DLG2: variants seen among roughly 807,000 people sequenced by gnomAD.
DLG2 encodes disks large homolog 2.
DLG2 carries 45 observed loss-of-function variants against 132.5 expected under a neutral mutation model. That is an observed-to-expected ratio of 0.34 (90% CI 0.27 to 0.44). DLG2 has a LOEUF of 0.44. DLG2 is among the 20% of genes least tolerant of loss of function. The pLI is 1.00. For synonymous variants in DLG2, 424 were observed against 419.6 expected (o/e 1.01, Z -0.13); for missense variants, 1,045 against 1,196.9 (o/e 0.87, Z 1.87).
intron 6 of DLG2, among the ~76,000 whole-genome samples, chr11:85,007,664 C>CAAAAAAAAAAAAAAAAAAA (rs57188165): frequency 1.1e-5 from 1 of 88,534 alleles, no homozygotes; most frequent in Non-Finnish European, 2.2e-5. Context: ...GACTCCGTCT[C>CAAAAAAAAAAAAAAAAAAA]AAAAAAAAAA....
At chr11:84,682,756 G>T (rs1371604581) in intron 6 of DLG2, among the ~76,000 whole-genome samples, 1 of 152,138 alleles carries the variant, frequency 6.6e-6, no homozygotes, top group Non-Finnish European at 1.5e-5. Context: ...ACTCTAGGAA[G>T]CCTTTACTCA....
At chr11:84,307,807 T>C (rs2098240778) in intron 7 of DLG2, among the ~76,000 whole-genome samples, 1 of 151,722 alleles carries the variant, frequency 6.6e-6, no homozygotes, top group Non-Finnish European at 1.5e-5. Context: ...TGTCTGGAGT[T>C]TCTTCCTTCT....
Position 85,499,368 on chromosome 11 carries a change from T to C in DLG2, c.40+99289A>G, listed in dbSNP as rs535044778. 8.1e-4 allele frequency among the ~76,000 whole-genome samples: 123 copies of C among 151,954 alleles called. 1 individual carries two copies. Among genetic ancestry groups the C allele is most frequent in the Admixed American group, 1.5e-3 (23 of 15,230 alleles). On this transcript the variant is annotated intron_variant, in intron 3 of 27. Transcript: ENST00000376104. ...TAGAAGAAATGGATAAATTCATGGA[T>C]AAATACAACCCCCAGGACTAAACCA...
At chr11:84,242,993 T>TTCTCTC (rs145284405) in intron 8 of DLG2, among the ~76,000 whole-genome samples, 8,281 of 124,832 alleles carry the variant, frequency 0.066, 300 homozygotes, top group Non-Finnish European at 0.081. Flanking sequence ...ATTAATTAGG[T>TTCTCTC]TCTCTCTCTC....
At chr11:83,915,930 A>G (rs1463886889) in intron 15 of DLG2, among the ~76,000 whole-genome samples, 2 of 152,050 alleles carry the variant, frequency 1.3e-5, no homozygotes, top group African/African-American at 2.4e-5. Context: ...TCACTAATCT[A>G]TTTTATGACT....
intron 4 of DLG2, among the ~76,000 whole-genome samples, chr11:85,212,964 G>C (rs1177041115): frequency 1.3e-5 from 2 of 152,084 alleles, no homozygotes; most frequent in African/African-American, 2.4e-5. Flanking sequence ...AATGTGAGTA[G>C]GTAGGCTTTG....
chr11:85,582,079 G>A (rs12273229), intron 3 of DLG2, among the ~76,000 whole-genome samples: 2 of 152,312 alleles, frequency 1.3e-5, no homozygotes, highest in African/African-American at 2.4e-5. Flanking sequence ...GGTTGATGAA[G>A]AGGCTGATTT....
intron 6 of DLG2, among the ~76,000 whole-genome samples, chr11:84,785,048 G>C (rs1194818586): frequency 2.6e-5 from 4 of 151,876 alleles, no homozygotes; most frequent in Non-Finnish European, 5.9e-5. Flanking sequence ...AACATCGCAT[G>C]GTTCACATAA....
chr11:83,469,320 C>G lies in DLG2; in HGVS notation c.2500G>C (p.Val834Leu). 1.2e-6 allele frequency: 2 copies of G among 1,613,766 alleles called. No homozygotes were observed. Among genetic ancestry groups the G allele is most frequent in the Non-Finnish European group, 1.7e-6 (2 of 1,179,824 alleles). ...YEVDGRDYHF[V>L]ISREQMEKDI... is the part of the protein sequence containing the mutation. ...TTCTCCATTTGTTCTCTGGAAATGACAAAGTGATAGTCTCTGCCATCCACC... is the reference window on the plus strand; with the variant it reads ...TTCTCCATTTGTTCTCTGGAAATGAGAAAGTGATAGTCTCTGCCATCCACC... Residue 834 changes from valine (V) to leucine (L), a missense_variant, in exon 25 of 28, where the codon GTC becomes CTC. Physicochemically the swap from Val to Leu is conservative, Grantham distance 32. This residue lies in a region of DLG2 where 398 missense variants were observed against 543.6 expected (regional missense o/e 0.73). Coordinates refer to ENST00000376104, the MANE Select transcript of DLG2 (RefSeq NM_001142699.3).
rs576158192 is a variant in DLG2 at position 84,573,167 on chromosome 11, T to C, written c.358-38436A>G. 6.6e-5 allele frequency among the ~76,000 whole-genome samples: 10 copies of C among 152,322 alleles called. No homozygotes were observed. The South Asian group carries it at 2.1e-3, about 32-fold the overall frequency. On this transcript the variant is annotated intron_variant, in intron 6 of 27. Coordinates refer to ENST00000376104, the MANE Select transcript of DLG2 (RefSeq NM_001142699.3). ...TGCAGTCTAACCTCTCTGCTAGTGG[T>C]ATTCAACATGTGGTAAGTGATTTAC...
intron 6 of DLG2, among the ~76,000 whole-genome samples, chr11:84,806,977 A>C (rs561387473): frequency 7.9e-4 from 121 of 152,308 alleles, no homozygotes; most frequent in Non-Finnish European, 1.4e-3. Context: ...TGTCATATAT[A>C]ATGTGATATT....
At chr11:83,542,739 G>A (rs2096116728) in intron 19 of DLG2, among the ~76,000 whole-genome samples, 1 of 152,060 alleles carries the variant, frequency 6.6e-6, no homozygotes, top group African/African-American at 2.4e-5. Flanking sequence ...ATCATTAAGA[G>A]GTGAACATTT....
chr11:83,479,881 C>A (rs2092958423), intron 22 of DLG2, among the ~76,000 whole-genome samples: 1 of 151,968 alleles, frequency 6.6e-6, no homozygotes, highest in South Asian at 2.1e-4. Context: ...AAAGATTAAT[C>A]AAAGAGAAAG....
At chr11:84,686,831 T>C (rs1368744818) in intron 6 of DLG2, 1 of 152,082 alleles carries the variant, frequency 6.6e-6, no homozygotes, top group African/African-American at 2.4e-5. Flanking sequence ...AAGGCATTTT[T>C]CTCCATGTTT....
chr11:84,251,640 TC>T lies in DLG2; in HGVS notation c.520-350del, dbSNP rs202101739. Among the ~76,000 whole-genome samples, 699 of 144,700 alleles carry T rather than the reference TC, an allele frequency of 4.8e-3. 44 individuals carry two copies. The highest frequency in any genetic ancestry group is 0.015 in the African/African-American group (599 of 39,456). The allele number at this position is 144,700 out of a possible 152,430, so 94.9% of individuals were successfully genotyped here. A position where few individuals can be genotyped will look rare whatever the true frequency, so the allele number is the denominator to read the frequency against. On this transcript the variant is annotated intron_variant, in intron 7 of 27. Coordinates refer to ENST00000376104, the MANE Select transcript of DLG2 (RefSeq NM_001142699.3). ...AGAGTTAAAACTTGTATCTTTTCTT[TC>T]TTTTTTTTTTTTTTTTGTGAGACAA...
At chr11:85,031,815 T>A (rs750283298) in intron 6 of DLG2, among the ~76,000 whole-genome samples, 3 of 152,114 alleles carry the variant, frequency 2.0e-5, no homozygotes, top group Non-Finnish European at 2.9e-5. Context: ...GATGGAGACT[T>A]GCTTTGTCAC....
chr11:83,587,333 C>A (rs2097102969), intron 19 of DLG2, among the ~76,000 whole-genome samples: 1 of 151,816 alleles, frequency 6.6e-6, no homozygotes, highest in African/African-American at 2.4e-5. Flanking sequence ...TACAATGGTG[C>A]AATCTCAGCT....
At chr11:85,508,998 C>A (rs757651640) in intron 3 of DLG2, among the ~76,000 whole-genome samples, 2 of 152,024 alleles carry the variant, frequency 1.3e-5, no homozygotes, top group African/African-American at 2.4e-5. Flanking sequence ...ATACATGCTG[C>A]AACTTTCATT....
chr11:85,004,087 A>G (rs182274880), intron 6 of DLG2, among the ~76,000 whole-genome samples: 2,997 of 152,270 alleles, frequency 0.02, 53 homozygotes, highest in Admixed American at 0.042. Flanking sequence ...TCCATGGTCT[A>G]TATGTGCCAC....
Sources: allele counts gnomAD v4.1 joint callset (sites outside exome capture counted in the v4.1 genomes callset), GRCh38; gene constraint gnomAD v4.1.1; regional missense constraint gnomAD v4.1.1; transcripts MANE v1.5; gene names NCBI Gene and HGNC (gene_info 2026-07-23, HGNC 2026-07-21).